TTC6: variants seen among roughly 807,000 people sequenced by gnomAD.
TTC6 encodes tetratricopeptide repeat protein 6.
Under a neutral mutation model 210.4 loss-of-function variants are expected in TTC6, and 172 were observed. That is an observed-to-expected ratio of 0.82 (90% CI 0.72 to 0.93). The LOEUF (loss-of-function observed/expected upper bound fraction) is 0.93, where lower values mean the gene tolerates loss of function less well. Among genes scored for constraint, TTC6 ranks in the 40% least tolerant of loss-of-function variants. The probability of loss-of-function intolerance (pLI) is 0.00; values close to 1 mark genes in which losing one functional copy is unlikely to be tolerated. For synonymous variants in TTC6, 804 were observed against 819.6 expected (o/e 0.98, Z 0.32); for missense variants, 2,414 against 2,318.1 (o/e 1.04, Z -0.85).
intron 3 of TTC6, among the ~76,000 whole-genome samples, chr14:37,692,224 A>G (rs868813557): frequency 3.5e-5 from 5 of 143,066 alleles, no homozygotes; most frequent in Admixed American, 7.0e-5. Context: ...AAAAAAAAAA[A>G]AAAAAAAAGA....
chr14:37,622,334 G>A (rs1337579805), exon 1 of TTC6: 3 of 1,532,878 alleles, frequency 2.0e-6, no homozygotes, highest in Non-Finnish European at 2.6e-6. Context: ...CCGCCCTCCT[G>A]CAGGAGGTGC....
intron 1 of TTC6, among the ~76,000 whole-genome samples, chr14:37,651,943 C>T (rs957903068): frequency 2.0e-5 from 3 of 152,138 alleles, no homozygotes; most frequent in African/African-American, 7.2e-5. Flanking sequence ...TGGCACTGGG[C>T]TGCCATTAGA....
intron 1 of TTC6, among the ~76,000 whole-genome samples, chr14:37,660,757 G>A (rs914600671): frequency 2.0e-5 from 3 of 152,144 alleles, no homozygotes; most frequent in African/African-American, 7.2e-5. Context: ...GATCTTTGAG[G>A]AATTGCCACA....
At chr14:37,811,351 T>G (rs920092017) in intron 24 of TTC6, among the ~76,000 whole-genome samples, 2 of 152,220 alleles carry the variant, frequency 1.3e-5, no homozygotes, top group Non-Finnish European at 2.9e-5. Flanking sequence ...TATTTTTAAT[T>G]ATGCCACAAC....
intron 1 of TTC6, among the ~76,000 whole-genome samples, chr14:37,599,875 G>A (rs1297705269): frequency 6.6e-6 from 1 of 152,098 alleles, no homozygotes; most frequent in African/African-American, 2.4e-5. Flanking sequence ...CCGCGGCCGC[G>A]CGCGTCTCCC....
chr14:37,741,221 T>C (rs1305573263), intron 10 of TTC6, among the ~76,000 whole-genome samples: 1 of 150,508 alleles, frequency 6.6e-6, no homozygotes, highest in African/African-American at 2.4e-5. Context: ...CTAACAACTA[T>C]GGAGCAACTT....
intron 21 of TTC6, among the ~76,000 whole-genome samples, 172 bp downstream of exon 23, chr14:37,804,986 A>G (rs2096115136): frequency 6.6e-6 from 1 of 152,188 alleles, no homozygotes; most frequent in African/African-American, 2.4e-5. Context: ...ACATTGTTTT[A>G]TTTAATCAAC....
chr14:37,808,320 G>A (rs971075604), intron 23 of TTC6, among the ~76,000 whole-genome samples: 6 of 152,136 alleles, frequency 3.9e-5, no homozygotes, highest in Admixed American at 2.6e-4. Flanking sequence ...AAAAGAGAAC[G>A]TGGGTAGAAA....
chr14:37,835,900 C>G (rs2096196802), intron 29 of TTC6, among the ~76,000 whole-genome samples: 1 of 151,788 alleles, frequency 6.6e-6, no homozygotes, highest in Admixed American at 6.6e-5. Flanking sequence ...TATCTCCTTA[C>G]TCTGTAAGCT....
chr14:37,773,106 GT>G (rs1277984267), intron 14 of TTC6, among the ~76,000 whole-genome samples: 1 of 152,056 alleles, frequency 6.6e-6, no homozygotes, highest in East Asian at 1.9e-4. Context: ...TTGTGTGTGG[GT>G]TTTTTTGTTT....
chr14:37,780,079 G>A (rs1029679070), intron 14 of TTC6, among the ~76,000 whole-genome samples: 8 of 152,120 alleles, frequency 5.3e-5, no homozygotes, highest in African/African-American at 1.7e-4. Context: ...TTAATGGCAT[G>A]CTACACAGAA....
At chr14:37,758,609 A>G (rs2139084789) in intron 14 of TTC6, among the ~76,000 whole-genome samples, 1 of 152,248 alleles carries the variant, frequency 6.6e-6, no homozygotes, top group Admixed American at 6.5e-5. Flanking sequence ...TCCTGAATGT[A>G]GCACACCGAT....
Position 37,737,655 on chromosome 14 carries a change from C to A in TTC6, c.1909-5C>A. 1 of 1,497,132 alleles carries A rather than the reference C, an allele frequency of 6.7e-7. No individual in the cohort carries two copies. The highest frequency in any genetic ancestry group is 1.3e-5 in the South Asian group (1 of 79,646). The allele number at this position is 1,497,132 out of a possible 1,614,324, so 92.7% of individuals were successfully genotyped here. ...ATGTATATTTTTCATTTGATTATTT[C>A]ACAGTGTTTCTTACCAAGAAAATCT... On this transcript the variant is annotated splice_region_variant and splice_polypyrimidine_tract_variant and intron_variant, in intron 8 of 30. Coordinates refer to ENST00000553443, the Ensembl canonical transcript of TTC6.
chr14:37,814,160 C>T (rs1429857787), intron 25 of TTC6, among the ~76,000 whole-genome samples: 2 of 152,184 alleles, frequency 1.3e-5, no homozygotes, highest in East Asian at 3.8e-4. Flanking sequence ...TGAGCAAGAC[C>T]TTACTTGATA....
In TTC6 at chr14:37,724,838, GT is replaced by G. The variant is rs2095868493; in HGVS notation, c.1714-55del. 2 of 1,009,376 alleles carry G rather than the reference GT, an allele frequency of 2.0e-6. 1 individual carries two copies. Among genetic ancestry groups the G allele is most frequent in the Middle Eastern group, 4.4e-4 (2 of 4,548 alleles). The allele number at this position is 1,009,376 out of a possible 1,614,324, so 62.5% of individuals were successfully genotyped here. ...AAAAATAATTTTGACAGGAGATTGA[GT>G]TTTTACTCTCAAGGCCATTTCTTAC... On this transcript the variant is annotated intron_variant, in intron 6 of 30. Transcript: ENST00000553443.
intron 7 of TTC6, among the ~76,000 whole-genome samples, chr14:37,734,997 C>G (rs2095897703): frequency 6.6e-6 from 1 of 152,008 alleles, no homozygotes; most frequent in Non-Finnish European, 1.5e-5. Flanking sequence ...TTGAAAATCC[C>G]TGGTATACCA....
At chr14:37,652,368 AAG>A (rs1280169131) in intron 1 of TTC6, among the ~76,000 whole-genome samples, 2 of 152,208 alleles carry the variant, frequency 1.3e-5, no homozygotes, top group African/African-American at 4.8e-5. Context: ...CTACAGCTGA[AAG>A]AGGTTAAATA....
At chr14:37,683,031 A>G in intron 3 of TTC6, 67 bp downstream of exon 5, 1 of 1,457,914 alleles carries the variant, frequency 6.9e-7, no homozygotes, top group South Asian at 1.2e-5. Flanking sequence ...GGTGTGAAGA[A>G]TTGGCCCAGG....
chr14:37,722,705 C>A (rs1478904060), intron 6 of TTC6, among the ~76,000 whole-genome samples: 1 of 152,098 alleles, frequency 6.6e-6, no homozygotes, highest in African/African-American at 2.4e-5. Context: ...TTAAAAAGTG[C>A]CATTTTCATC....
Sources: gnomAD v4.1 joint callset for allele counts (sites outside exome capture counted in the v4.1 genomes callset) on GRCh38, gnomAD v4.1.1 for gene constraint, MANE v1.5 for transcripts, NCBI Gene and HGNC (gene_info 2026-07-23, HGNC 2026-07-21) for gene names.